Variants in AKT3 observed in about 807,000 individuals in gnomAD.
AKT3 encodes the protein RAC-gamma serine/threonine-protein kinase.
In AKT3, 15 loss-of-function variants were observed where a neutral mutation model predicts 65.3. That is an observed-to-expected ratio of 0.23 (90% CI 0.15 to 0.35). The LOEUF (loss-of-function observed/expected upper bound fraction) is 0.35, where lower values mean the gene tolerates loss of function less well. AKT3 is among the 10% of genes least tolerant of loss of function. AKT3 has a pLI of 1.00. For synonymous variants in AKT3, 206 were observed against 183.8 expected (o/e 1.12, Z -0.98); for missense variants, 243 against 576.5 (o/e 0.42, Z 5.92).
At chr1:243,557,713 A>T (rs1241410472) in intron 10 of AKT3, among the ~76,000 whole-genome samples, 1 of 152,052 alleles carries the variant, frequency 6.6e-6, no homozygotes, top group East Asian at 1.9e-4. Flanking sequence ...TATAGAGCAG[A>T]CAGCTTCTAT....
intron 2 of AKT3, among the ~76,000 whole-genome samples, chr1:243,781,368 T>G (rs575390772): frequency 5.9e-5 from 9 of 152,128 alleles, no homozygotes; most frequent in Non-Finnish European, 1.2e-4. Context: ...TGGGGAAGCG[T>G]TGGTTCATTT....
chr1:243,606,887 T>TTGGCTAGCTGTGG (rs942197084), intron 8 of AKT3, among the ~76,000 whole-genome samples: 1 of 152,248 alleles, frequency 6.6e-6, no homozygotes, highest in Non-Finnish European at 1.5e-5. Flanking sequence ...ACTGCTTCAG[T>TTGGCTAGCTGTGG]CCCAGCTGTG....
At chr1:243,755,337 G>A (rs977032252) in intron 2 of AKT3, among the ~76,000 whole-genome samples, 1 of 151,586 alleles carries the variant, frequency 6.6e-6, no homozygotes, top group Non-Finnish European at 1.5e-5. Flanking sequence ...GGCCACCAAA[G>A]TGCTAGGATT....
chr1:243,794,848 T>C (rs777891425), intron 2 of AKT3, among the ~76,000 whole-genome samples: 3 of 152,190 alleles, frequency 2.0e-5, no homozygotes, highest in Non-Finnish European at 4.4e-5. Flanking sequence ...ACCCACACCA[T>C]AGGACTTTCT....
intron 2 of AKT3, among the ~76,000 whole-genome samples, chr1:243,827,984 T>C (rs1462029561): frequency 6.6e-6 from 1 of 152,118 alleles, no homozygotes; most frequent in Non-Finnish European, 1.5e-5. Context: ...TATTGATAGT[T>C]AGCAAGTAGC....
At chr1:243,725,907 C>G (rs1239794983) in intron 2 of AKT3, among the ~76,000 whole-genome samples, 1 of 152,164 alleles carries the variant, frequency 6.6e-6, no homozygotes, top group Non-Finnish European at 1.5e-5. Flanking sequence ...AAAAAGTACA[C>G]ACAGAAAGGT....
intron 13 of AKT3, among the ~76,000 whole-genome samples, chr1:243,490,915 G>A (rs896053980): frequency 1.3e-5 from 2 of 152,248 alleles, no homozygotes; most frequent in African/African-American, 4.8e-5. Context: ...GGCCTGGCCA[G>A]CCAAAGATCA....
intron 2 of AKT3, among the ~76,000 whole-genome samples, chr1:243,703,691 C>T (rs1257115970): frequency 4.9e-5 from 7 of 141,800 alleles, no homozygotes; most frequent in East Asian, 4.2e-4. Flanking sequence ...ACCCAGGAAG[C>T]GGGAGGTTGC....
At chr1:243,843,101 AT>A (rs2148477398) in intron 2 of AKT3, 23 bp downstream of exon 2, 2 of 1,613,054 alleles carry the variant, frequency 1.2e-6, no homozygotes, top group African/African-American at 1.3e-5. Context: ...CAACCGTATT[AT>A]TTTTGGTTTG....
intron 2 of AKT3, among the ~76,000 whole-genome samples, chr1:243,787,255 T>G (rs1253540238): frequency 1.3e-5 from 2 of 152,200 alleles, no homozygotes; most frequent in African/African-American, 4.8e-5. Context: ...AAAACAATTG[T>G]AAAAATTTTG....
intron 4 of AKT3, among the ~76,000 whole-genome samples, chr1:243,653,916 C>G (rs1191547061): frequency 6.6e-6 from 1 of 152,050 alleles, no homozygotes. Flanking sequence ...TATTTTCAAC[C>G]TGTATCTTTA....
intron 6 of AKT3, among the ~76,000 whole-genome samples, chr1:243,627,382 T>C (rs1424298190): frequency 6.6e-6 from 1 of 152,196 alleles, no homozygotes; most frequent in African/African-American, 2.4e-5. Context: ...AAAATACTTT[T>C]TTCTTGGTCC....
intron 2 of AKT3, among the ~76,000 whole-genome samples, chr1:243,808,446 T>C (rs1572385808): frequency 6.6e-6 from 1 of 152,036 alleles, no homozygotes; most frequent in African/African-American, 2.4e-5. Flanking sequence ...GAAGATCAAA[T>C]GAATGAAATG....
At chr1:243,563,380 G>A (rs1246608854) in intron 10 of AKT3, among the ~76,000 whole-genome samples, 2 of 151,984 alleles carry the variant, frequency 1.3e-5, no homozygotes, top group Non-Finnish European at 2.9e-5. Flanking sequence ...GTCCAAGATG[G>A]TTTATAAATA....
intron 3 of AKT3, among the ~76,000 whole-genome samples, chr1:243,667,631 T>C (rs139606794): frequency 2.5e-4 from 38 of 152,284 alleles, no homozygotes; most frequent in Non-Finnish European, 5.6e-4. Context: ...TCCCTGCCCC[T>C]CACTGCAGTC....
At chr1:243,583,250 G>C (rs1163903486) in intron 8 of AKT3, among the ~76,000 whole-genome samples, 2 of 136,168 alleles carry the variant, frequency 1.5e-5, no homozygotes, top group African/African-American at 5.5e-5. Flanking sequence ...ATATATGTAT[G>C]CACCCAATAT....
At chr1:243,756,138 A>T (rs1689123454) in intron 2 of AKT3, among the ~76,000 whole-genome samples, 1 of 152,250 alleles carries the variant, frequency 6.6e-6, no homozygotes, top group Non-Finnish European at 1.5e-5. Context: ...TGAAATGTCA[A>T]TACAAATTCA....
intron 1 of AKT3, among the ~76,000 whole-genome samples, chr1:243,848,530 G>T (rs1370640792): frequency 6.6e-6 from 1 of 152,008 alleles, no homozygotes; most frequent in African/African-American, 2.4e-5. Flanking sequence ...TTCCACCTTC[G>T]TTTTCCTAAG....
chr1:243,608,100 G>T (rs1330715512), intron 8 of AKT3, among the ~76,000 whole-genome samples: 1 of 152,152 alleles, frequency 6.6e-6, no homozygotes, highest in African/African-American at 2.4e-5. Flanking sequence ...TTTCATCATT[G>T]TGTGAACATC....
Sources: allele counts gnomAD v4.1 joint callset (sites outside exome capture counted in the v4.1 genomes callset), GRCh38; gene constraint gnomAD v4.1.1; transcripts MANE v1.5; gene names NCBI Gene and HGNC (gene_info 2026-07-23, HGNC 2026-07-21).